The following THSD7A variants were observed in gnomAD, a reference collection of about 807,000 sequenced individuals.
THSD7A encodes thrombospondin type 1 domain containing 7A.
In THSD7A, 96 loss-of-function variants were observed where a neutral mutation model predicts 231.3. The ratio of observed to expected loss-of-function variants is 0.41; its 90% CI spans 0.35 to 0.49. THSD7A has a LOEUF of 0.49. THSD7A is among the 20% of genes least tolerant of loss of function. The pLI, the probability that THSD7A is intolerant of heterozygous loss-of-function variation, is 0.05. For missense variants in THSD7A, 2,290 were observed against 2,070.2 expected (o/e 1.11, Z -2.06); for synonymous variants, 940 against 743.3 (o/e 1.26, Z -4.30).
Position 11,507,600 on chromosome 7 carries a change from TG to T in THSD7A, c.1823-25619del, listed in dbSNP as rs1449182485. Among the ~76,000 whole-genome samples, 548 of 123,038 alleles carry T rather than the reference TG, an allele frequency of 4.5e-3. 3 individuals are homozygous for T. Among genetic ancestry groups the T allele is most frequent in the African/African-American group, 0.016 (502 of 30,436 alleles). The allele number at this position is 123,038 out of a possible 152,430, so 80.7% of individuals were successfully genotyped here. On this transcript the variant is annotated intron_variant, in intron 6 of 27. Transcript: ENST00000423059. Reference sequence around the variant, plus strand: ...ACTGACTCTTCCATGAAATAATGTGTGTTTTTTTTTTTTTAATTTTTAACTG... The same window carrying T: ...ACTGACTCTTCCATGAAATAATGTGTTTTTTTTTTTTTTAATTTTTAACTG...
intron 1 of THSD7A, among the ~76,000 whole-genome samples, chr7:11,797,670 C>G (rs916563654): frequency 1.3e-5 from 2 of 152,004 alleles, no homozygotes; most frequent in African/African-American, 4.8e-5. Context: ...CCTCCCACCT[C>G]GGCCTCCTAA....
intron 1 of THSD7A, among the ~76,000 whole-genome samples, chr7:11,793,348 A>C (rs1784017637): frequency 6.6e-6 from 1 of 151,990 alleles, no homozygotes; most frequent in South Asian, 2.1e-4. Flanking sequence ...TATAAAGGAA[A>C]GCTACAACAT....
At chr7:11,518,776 T>C (rs1788143802) in intron 6 of THSD7A, among the ~76,000 whole-genome samples, 1 of 152,082 alleles carries the variant, frequency 6.6e-6, no homozygotes, top group South Asian at 2.1e-4. Flanking sequence ...TACAATCAAG[T>C]CCACTGGACA....
chr7:11,634,141 T>C lies in THSD7A; in HGVS notation c.1022+1989A>G, dbSNP rs1410492596. Among the ~76,000 whole-genome samples the C allele has an allele frequency of 1.3e-5, 2 of 152,142 alleles. No homozygotes were observed. Among genetic ancestry groups the C allele is most frequent in the African/African-American group, 4.8e-5 (2 of 41,440 alleles). On this transcript the variant is annotated intron_variant, in intron 2 of 27. Transcript: ENST00000423059. This position sits in a 1 kb window ranked among gnomAD's most constrained non-coding sequence, Gnocchi z 4.1. ...TGATAATTCATATATAATAGAAATA[T>C]TCACAGCCAATATATTTAACATAAA...
intron 22 of THSD7A, among the ~76,000 whole-genome samples, chr7:11,402,987 GGCCATAGT>G (rs910794455): frequency 1.3e-5 from 2 of 151,900 alleles, no homozygotes; most frequent in African/African-American, 4.8e-5. Context: ...GCAATTGCTG[GGCCATAGT>G]GCATCCATGC....
At chr7:11,815,576 G>A (rs752584385) in intron 1 of THSD7A, among the ~76,000 whole-genome samples, 4 of 151,996 alleles carry the variant, frequency 2.6e-5, no homozygotes, top group Admixed American at 6.6e-5. Flanking sequence ...AGGATGCTAC[G>A]CTATTGAAGT....
chr7:11,751,223 T>G (rs921289649), intron 1 of THSD7A: 3 of 151,996 alleles, frequency 2.0e-5, no homozygotes, highest in African/African-American at 7.3e-5. Flanking sequence ...GTAAGCCGGA[T>G]AGTTGTCTGT....
At chr7:11,501,136 C>G (rs1334678106) in intron 6 of THSD7A, among the ~76,000 whole-genome samples, 4 of 152,026 alleles carry the variant, frequency 2.6e-5, no homozygotes, top group African/African-American at 9.7e-5. Flanking sequence ...AAAGCAAGTT[C>G]CTAGAGACCT....
In THSD7A at chr7:11,462,015, A is replaced by G. The variant is rs767433416; in HGVS notation, c.2497T>C (p.Tyr833His). The change falls in exon 10 of 28, where the codon TAC becomes CAC. Residue 833 changes from tyrosine to histidine, a missense_variant. Physicochemically the swap from Tyr to His is moderately conservative, Grantham distance 83. Transcript: ENST00000423059. ...ACEAPQACQS[Y>H]RWKTHKWRRC... ...GATGCATTTCTCTAACCCTACCTGT[A>G]GCTTTGGCACGCTTGAGGTGCCTCA... The G allele has an allele frequency of 1.2e-6, 2 of 1,613,336 alleles. No individual in the cohort carries two copies. The highest frequency in any genetic ancestry group is 1.7e-6 in the Non-Finnish European group (2 of 1,179,450).
chr7:11,644,649 C>G (rs1283898297), intron 1 of THSD7A, among the ~76,000 whole-genome samples: 1 of 151,884 alleles, frequency 6.6e-6, no homozygotes, highest in African/African-American at 2.4e-5. Context: ...AAAATTAGAA[C>G]AGGCTGTTTA....
chr7:11,702,562 T>A (rs1780638674), intron 1 of THSD7A, among the ~76,000 whole-genome samples: 1 of 151,178 alleles, frequency 6.6e-6, no homozygotes, highest in Non-Finnish European at 1.5e-5. Flanking sequence ...GGCAGGCCGA[T>A]CTGGATAATC....
At chr7:11,811,700 A>C (rs1373110190) in intron 1 of THSD7A, among the ~76,000 whole-genome samples, 2 of 152,196 alleles carry the variant, frequency 1.3e-5, no homozygotes, top group African/African-American at 4.8e-5. Flanking sequence ...TGCAATAATA[A>C]ATTTTAGCTC....
chr7:11,482,394 CAT>C (rs1349591168), intron 6 of THSD7A, among the ~76,000 whole-genome samples: 1 of 152,164 alleles, frequency 6.6e-6, no homozygotes, highest in Admixed American at 6.5e-5. Context: ...TAGCATCTAT[CAT>C]ATGTTTTCAT....
intron 6 of THSD7A, among the ~76,000 whole-genome samples, chr7:11,534,891 C>T (rs1464777709): frequency 6.6e-6 from 1 of 152,102 alleles, no homozygotes; most frequent in Non-Finnish European, 1.5e-5. Context: ...TGACTGTTGC[C>T]CCAGCTACTT....
intron 1 of THSD7A, among the ~76,000 whole-genome samples, chr7:11,826,875 T>C: frequency 6.6e-6 from 1 of 152,018 alleles, no homozygotes. Context: ...TAGTTATTCA[T>C]CTTTCAGTAA....
At chr7:11,561,452 T>G (rs534658153) in intron 4 of THSD7A, among the ~76,000 whole-genome samples, 1 of 152,206 alleles carries the variant, frequency 6.6e-6, no homozygotes, top group Non-Finnish European at 1.5e-5. Flanking sequence ...AAATTATTAT[T>G]AAAATGGGAT....
At chr7:11,784,148 G>A (rs2128175680) in intron 1 of THSD7A, among the ~76,000 whole-genome samples, 1 of 151,784 alleles carries the variant, frequency 6.6e-6, no homozygotes, top group South Asian at 2.1e-4. Context: ...TATTAATACT[G>A]CTTGTGATTT....
chr7:11,551,683 A>C (rs1562711194), intron 4 of THSD7A, among the ~76,000 whole-genome samples: 1 of 152,188 alleles, frequency 6.6e-6, no homozygotes, highest in Non-Finnish European at 1.5e-5. Context: ...ACTATTAAAA[A>C]GTCAAAAAAT....
At chr7:11,826,616 A>G (rs1187518970) in intron 1 of THSD7A, among the ~76,000 whole-genome samples, 1 of 152,130 alleles carries the variant, frequency 6.6e-6, no homozygotes, top group East Asian at 1.9e-4. Context: ...GTTTGAGACC[A>G]GCCTGCCCAA....
Sources: gnomAD v4.1 joint callset for allele counts (sites outside exome capture counted in the v4.1 genomes callset) on GRCh38, gnomAD v4.1.1 for gene constraint, Gnocchi (gnomAD v3.1) non-coding constraint, MANE v1.5 for transcripts, NCBI Gene and HGNC (gene_info 2026-07-23, HGNC 2026-07-21) for gene names.